The following NDUFS4 variants were observed in gnomAD, a reference collection of about 807,000 sequenced individuals.
NDUFS4 encodes NADH:ubiquinone oxidoreductase subunit S4.
Under a neutral mutation model 24.3 loss-of-function variants are expected in NDUFS4, and 28 were observed. The ratio of observed to expected loss-of-function variants is 1.15; its 90% CI spans 0.85 to 1.58. The LOEUF (loss-of-function observed/expected upper bound fraction) is 1.58, where lower values mean the gene tolerates loss of function less well. NDUFS4 is among the 40% of genes most tolerant of loss of function. NDUFS4 has a pLI of 0.00. For missense variants in NDUFS4, 223 were observed against 207.9 expected, an observed-to-expected ratio of 1.07 and a Z score of -0.45; for synonymous variants, 93 against 69.7, an observed-to-expected ratio of 1.34 and a Z score of -1.67.
intron 4 of NDUFS4, among the ~76,000 whole-genome samples, chr5:53,665,069 C>G (rs1310601683): frequency 6.6e-6 from 1 of 152,214 alleles, no homozygotes; most frequent in Non-Finnish European, 1.5e-5. Flanking sequence ...AGCTGCAGGT[C>G]TGTTGGAGTT....
chr5:53,629,827 A>T lies in NDUFS4; in HGVS notation c.178-16406A>T, dbSNP rs547103907. ...CAGCACACAAATGGGTCTTGACTCT[A>T]TCCAATTTGCCAGTCTGTGTCTTTT... On this transcript the variant is annotated intron_variant, in intron 2 of 4. Transcript: ENST00000296684. Among the ~76,000 whole-genome samples the T allele has an allele frequency of 3.3e-5, 5 of 152,014 alleles. No individual in the cohort carries two copies. In the South Asian group the frequency reaches 1.0e-3, roughly 32 times the overall value.
intron 2 of NDUFS4, among the ~76,000 whole-genome samples, chr5:53,644,563 G>A (rs557896349): frequency 1.3e-5 from 2 of 152,136 alleles, no homozygotes; most frequent in East Asian, 3.9e-4. Context: ...ATATGCTTCA[G>A]GAAGTCATTA....
chr5:53,623,073 A>G (rs1457629921), intron 2 of NDUFS4, among the ~76,000 whole-genome samples: 3 of 152,248 alleles, frequency 2.0e-5, no homozygotes, highest in Non-Finnish European at 4.4e-5. Context: ...TAATGCTGCT[A>G]TTAATATGGA....
At chr5:53,610,301 A>G (rs1287836401) in intron 2 of NDUFS4, among the ~76,000 whole-genome samples, 1 of 152,290 alleles carries the variant, frequency 6.6e-6, no homozygotes, top group East Asian at 1.9e-4. Context: ...AGTGGAGGAC[A>G]CACACAACCT....
At chr5:53,646,045 C>A in intron 2 of NDUFS4, 188 bp from the exon 3 acceptor site, 2 of 525,560 alleles carry the variant, frequency 3.8e-6, no homozygotes, top group Non-Finnish European at 6.8e-6. Flanking sequence ...CCTAAATAAA[C>A]CATTTACAGG....
At chr5:53,652,066 C>T (rs1422328079) in intron 3 of NDUFS4, among the ~76,000 whole-genome samples, 2 of 152,106 alleles carry the variant, frequency 1.3e-5, no homozygotes, top group African/African-American at 2.4e-5. Flanking sequence ...GGCCACCGTG[C>T]CCGGCCAACT....
intron 1 of NDUFS4, among the ~76,000 whole-genome samples, chr5:53,579,325 A>G (rs1749481463): frequency 6.6e-6 from 1 of 152,190 alleles, no homozygotes. Context: ...ATATGTTAGG[A>G]ACCATAATAG....
chr5:53,632,371 C>G (rs1484066100), intron 2 of NDUFS4, among the ~76,000 whole-genome samples: 2 of 152,086 alleles, frequency 1.3e-5, no homozygotes, highest in East Asian at 3.9e-4. Flanking sequence ...TACGTTTTAC[C>G]TTTCTTGTGT....
At chr5:53,659,304 A>G (rs569471753) in intron 4 of NDUFS4, among the ~76,000 whole-genome samples, 11 of 152,280 alleles carry the variant, frequency 7.2e-5, no homozygotes, top group African/African-American at 2.4e-4. Context: ...CCAACATAGT[A>G]TAGTGAAAGG....
Position 53,673,653 on chromosome 5 carries a change from A to G in NDUFS4, c.425-9465A>G, listed in dbSNP as rs150100202. On this transcript the variant is annotated intron_variant, in intron 4 of 4. Transcript: ENST00000296684. ...GGACATAACTATTCTTTTTCCTTTA[A>G]TAAACAAAAACACATCTCATAACCT... 2.0e-4 allele frequency among the ~76,000 whole-genome samples: 31 copies of G among 152,280 alleles called. 1 individual carries two copies. In the East Asian group the frequency reaches 2.9e-3, roughly 14 times the overall value.
intron 2 of NDUFS4, among the ~76,000 whole-genome samples, chr5:53,639,892 G>T (rs1751662879): frequency 6.6e-6 from 1 of 152,092 alleles, no homozygotes; most frequent in Non-Finnish European, 1.5e-5. Context: ...CATCTCAAAG[G>T]CACAGAAAAA....
At chr5:53,619,503 A>G (rs1047410035) in intron 2 of NDUFS4, among the ~76,000 whole-genome samples, 3 of 150,474 alleles carry the variant, frequency 2.0e-5, no homozygotes, top group Admixed American at 1.3e-4. Context: ...AAAAAAAAAA[A>G]AAAAACACAT....
chr5:53,609,862 C>T (rs1750644007), intron 2 of NDUFS4, among the ~76,000 whole-genome samples: 1 of 152,040 alleles, frequency 6.6e-6, no homozygotes, highest in Admixed American at 6.6e-5. Context: ...TCTCAGTCTT[C>T]AAAGAATTGA....
rs1374498638 is a variant in NDUFS4 at position 53,631,808 on chromosome 5, T to C, written c.178-14425T>C. Among the ~76,000 whole-genome samples the C allele has an allele frequency of 6.6e-5, 10 of 152,328 alleles. No homozygotes were observed. In the East Asian group the frequency reaches 1.9e-3, roughly 29 times the overall value. On this transcript the variant is annotated intron_variant, in intron 2 of 4. Transcript: ENST00000296684. ...TCAAGCCAATGGATCTTAGCTTTCATGGGCTTCATGGGCACGGGACCTGCC... is the reference window on the plus strand; with the variant it reads ...TCAAGCCAATGGATCTTAGCTTTCACGGGCTTCATGGGCACGGGACCTGCC...
intron 4 of NDUFS4, among the ~76,000 whole-genome samples, chr5:53,663,858 A>T (rs1289248248): frequency 6.6e-6 from 1 of 152,002 alleles, no homozygotes; most frequent in Admixed American, 6.6e-5. Context: ...GTTATGTGTG[A>T]ATTTGACCCT....
intron 1 of NDUFS4, among the ~76,000 whole-genome samples, chr5:53,575,486 A>G (rs1364385194): frequency 1.3e-5 from 2 of 148,978 alleles, no homozygotes; most frequent in Non-Finnish European, 3.0e-5. Context: ...GAATGGATTT[A>G]AAGGATCTAA....
intron 1 of NDUFS4, among the ~76,000 whole-genome samples, chr5:53,566,527 A>C (rs754181831): frequency 6.6e-6 from 1 of 152,154 alleles, no homozygotes; most frequent in Non-Finnish European, 1.5e-5. Flanking sequence ...GGAAACAGGT[A>C]CAGAAGTGAA....
intron 2 of NDUFS4, among the ~76,000 whole-genome samples, chr5:53,638,875 A>G (rs1221219188): frequency 6.6e-6 from 1 of 152,226 alleles, no homozygotes; most frequent in African/African-American, 2.4e-5. Context: ...TTAATACTAT[A>G]GCTATAGCTA....
intron 1 of NDUFS4, among the ~76,000 whole-genome samples, chr5:53,589,140 A>G (rs1351855038): frequency 6.6e-6 from 1 of 152,232 alleles, no homozygotes; most frequent in South Asian, 2.1e-4. Flanking sequence ...GTAGGTTTTT[A>G]AGAGCAACAT....
Sources: allele counts gnomAD v4.1 joint callset (sites outside exome capture counted in the v4.1 genomes callset), GRCh38; gene constraint gnomAD v4.1.1; transcripts MANE v1.5; gene names NCBI Gene and HGNC (gene_info 2026-07-23, HGNC 2026-07-21).